The following CCSER2 variants were observed in gnomAD, a reference collection of about 807,000 sequenced individuals.
The protein encoded by CCSER2 is serine-rich coiled-coil domain-containing protein 2.
CCSER2 carries 46 observed loss-of-function variants against 92.3 expected under a neutral mutation model. The observed-to-expected ratio is 0.50, with a 90% CI of 0.39 to 0.64. The LOEUF is 0.64. CCSER2 is among the 30% of genes least tolerant of loss of function. CCSER2 has a pLI of 0.00. For missense variants in CCSER2, 1,244 were observed against 1,238.9 expected, an observed-to-expected ratio of 1.00 and a Z score of -0.06; for synonymous variants, 433 against 431.4, an observed-to-expected ratio of 1.00 and a Z score of -0.04.
chr10:84,436,024 G>T (rs999461357), intron 5 of CCSER2, among the ~76,000 whole-genome samples: 3 of 152,048 alleles, frequency 2.0e-5, no homozygotes, highest in Admixed American at 1.3e-4. Context: ...CAGGTAATTA[G>T]GTATGAATTA....
intron 6 of CCSER2, among the ~76,000 whole-genome samples, chr10:84,441,500 A>G (rs185431809): frequency 1.6e-4 from 24 of 151,366 alleles, no homozygotes; most frequent in Admixed American, 3.3e-4. Flanking sequence ...GCTTATTTTG[A>G]TTTCTCTTTC....
intron 3 of CCSER2, among the ~76,000 whole-genome samples, chr10:84,378,696 A>G (rs528256789): frequency 1.3e-4 from 20 of 152,166 alleles, no homozygotes; most frequent in Non-Finnish European, 2.6e-4. Context: ...TGGCCTCCCA[A>G]AATAGTGGGA....
At chr10:84,412,324 T>A (rs1437650992) in intron 3 of CCSER2, among the ~76,000 whole-genome samples, 3 of 151,868 alleles carry the variant, frequency 2.0e-5, no homozygotes, top group Admixed American at 2.0e-4. Context: ...TAGGGAGGAG[T>A]CCCTCCTTTT....
At position 84,425,776 on chromosome 10, in the gene CCSER2, T is replaced by C. The variant is rs1379693430; in HGVS notation, c.1751T>C (p.Val584Ala). The stretch of plus-strand genomic sequence containing the variant: ...CGCTTTGACCGACCAGACAGAAATG[T>C]TCGGCAGCCTCAGGAAGGTTTTTGG... ...MNRFDRPDRN[V>A]RQPQEGFWKR... The change falls in exon 5 of 10, where the codon GTT becomes GCT. Residue 584 changes from valine to alanine, a missense_variant. Transcript: ENST00000372088. 6.2e-7 allele frequency: 1 copy of C among 1,613,538 alleles called. No homozygotes were observed. Among genetic ancestry groups the C allele is most frequent in the Non-Finnish European group, 8.5e-7 (1 of 1,179,724 alleles).
intron 9 of CCSER2, among the ~76,000 whole-genome samples, chr10:84,483,953 TTATATATATATATA>T (rs57427963): frequency 0.11 from 5,035 of 47,820 alleles, 440 homozygotes; most frequent in African/African-American, 0.21. Flanking sequence ...CCCGGCTAAT[TTATATATATATATA>T]TATATATATA....
intron 3 of CCSER2, chr10:84,389,038 C>T (rs1394976558): frequency 4.0e-6 from 1 of 250,430 alleles, no homozygotes; most frequent in Non-Finnish European, 7.8e-6. Context: ...ATAAAATTAA[C>T]ATGAATGCAT....
rs1589359499 is a variant in CCSER2, at chr10:84,328,650, T to G, written c.-198T>G. ...GGCGGCTTTGGAGTCCGGCGCTCCC[T>G]CAGGCCGCGGACGCGATGCTGGTTG... On this transcript the variant is annotated 5_prime_UTR_variant, in exon 1 of 10. Transcript: ENST00000372088. 1 of 150,450 alleles carries G rather than the reference T, an allele frequency of 6.6e-6. No homozygotes were observed. The highest frequency in any genetic ancestry group is 2.0e-4 in the East Asian group (1 of 5,076). The allele number at this position is 150,450 out of a possible 1,614,324, so 9.3% of individuals were successfully genotyped here. A position where few individuals can be genotyped will look rare whatever the true frequency, so the allele number is the denominator to read the frequency against.
chr10:84,480,446 A>G (rs1847392963), intron 9 of CCSER2, among the ~76,000 whole-genome samples: 1 of 152,212 alleles, frequency 6.6e-6, no homozygotes, highest in Admixed American at 6.6e-5. Flanking sequence ...GTGAGTACAA[A>G]GAAATCTTTT....
At chr10:84,471,093 G>C (rs954518027) in intron 8 of CCSER2, among the ~76,000 whole-genome samples, 7 of 152,202 alleles carry the variant, frequency 4.6e-5, no homozygotes, top group South Asian at 2.1e-4. Flanking sequence ...GGAAATCTTT[G>C]TTGTGAGTCA....
intron 6 of CCSER2, among the ~76,000 whole-genome samples, chr10:84,452,531 C>G (rs542160760): frequency 1.3e-5 from 2 of 152,304 alleles, no homozygotes; most frequent in African/African-American, 2.4e-5. Context: ...GAAATTCTAA[C>G]TAGAAACTGT....
intron 1 of CCSER2, among the ~76,000 whole-genome samples, chr10:84,343,351 G>A (rs1844308747): frequency 6.6e-6 from 1 of 152,136 alleles, no homozygotes; most frequent in South Asian, 2.1e-4. Context: ...TCTTTGTGAG[G>A]TATCTCTTCT....
At position 84,449,243 on chromosome 10, in the gene CCSER2, C is replaced by A. The variant is rs567524680; in HGVS notation, c.2064+10536C>A. Among the ~76,000 whole-genome samples the A allele has an allele frequency of 2.9e-4, 44 of 152,172 alleles. No homozygotes were observed. The South Asian group carries it at 8.9e-3, about 31-fold the overall frequency. On this transcript the variant is annotated intron_variant, in intron 6 of 9. Coordinates refer to ENST00000372088, the MANE Select transcript of CCSER2 (RefSeq NM_001284240.2). ...TACAAAAATTAGCCAGGCATGGTGG[C>A]GTGTGCCTGTAGTCCCAGCTACTTG... is the stretch of plus-strand genomic sequence containing the variant.
chr10:84,501,838 T>A (rs866665527), intron 9 of CCSER2, among the ~76,000 whole-genome samples: 6,763 of 62,150 alleles, frequency 0.11, 1,042 homozygotes, highest in African/African-American at 0.24. Context: ...AAAAAAAATA[T>A]ATATATATAT....
chr10:84,430,152 G>C (rs545475951), intron 5 of CCSER2, among the ~76,000 whole-genome samples: 1 of 152,042 alleles, frequency 6.6e-6, no homozygotes, highest in Admixed American at 6.5e-5. Flanking sequence ...GTCCCTGTAA[G>C]TAGTTTGCAG....
chr10:84,339,447 C>T (rs1294839561), intron 1 of CCSER2, among the ~76,000 whole-genome samples: 3 of 151,372 alleles, frequency 2.0e-5, no homozygotes, highest in Non-Finnish European at 2.9e-5. Flanking sequence ...TCTGCTTTTG[C>T]ACATACTATT....
chr10:84,438,516 T>G lies in CCSER2; in HGVS notation c.1873T>G (p.Ser625Ala), dbSNP rs148182992. 1 of 1,584,156 alleles carries G rather than the reference T, an allele frequency of 6.3e-7. No homozygotes were observed. Among genetic ancestry groups the G allele is most frequent in the African/African-American group, 1.4e-5 (1 of 74,040 alleles). Residue 625 changes from serine to alanine, a missense_variant, in exon 6 of 10, where the codon TCT becomes GCT. By Grantham distance (99) the Ser-to-Ala change is moderately conservative (BLOSUM62 1). Coordinates refer to ENST00000372088, the MANE Select transcript of CCSER2 (RefSeq NM_001284240.2). ...HHGKSDLSRG[S>A]PYRESPLGHF... ...CCTTCTTCCCTGCCCTTCCAGAGGC[T>G]CTCCCTATAGAGAATCTCCTTTGGG...
chr10:84,395,180 C>A (rs143353356), intron 3 of CCSER2, among the ~76,000 whole-genome samples: 1 of 147,992 alleles, frequency 6.8e-6, no homozygotes, highest in Non-Finnish European at 1.5e-5. Context: ...GCCATGATTG[C>A]GCCACTGCAC....
At chr10:84,481,469 T>G (rs1167649446) in intron 9 of CCSER2, among the ~76,000 whole-genome samples, 2 of 152,094 alleles carry the variant, frequency 1.3e-5, no homozygotes, top group Non-Finnish European at 2.9e-5. Context: ...TTGGCTTTCA[T>G]GCTACAGGTG....
At chr10:84,419,902 C>G (rs1017256980) in intron 4 of CCSER2, among the ~76,000 whole-genome samples, 1 of 152,124 alleles carries the variant, frequency 6.6e-6, no homozygotes, top group Non-Finnish European at 1.5e-5. Context: ...CTTGAAAGAT[C>G]AAGTAGAAAA....
Sources: gnomAD v4.1 joint callset for allele counts (sites outside exome capture counted in the v4.1 genomes callset) on GRCh38, gnomAD v4.1.1 for gene constraint, MANE v1.5 for transcripts, NCBI Gene and HGNC (gene_info 2026-07-23, HGNC 2026-07-21) for gene names.